RGS7: variants seen among roughly 807,000 people sequenced by gnomAD.
The protein encoded by RGS7 is regulator of G-protein signaling 7.
Under a neutral mutation model 81.1 loss-of-function variants are expected in RGS7, and 27 were observed. The ratio of observed to expected loss-of-function variants is 0.33; its 90% CI spans 0.25 to 0.46. The LOEUF (loss-of-function observed/expected upper bound fraction) is 0.46, where lower values mean the gene tolerates loss of function less well. Ranked by LOEUF, RGS7 falls within the 20% of genes least tolerant of loss-of-function variation. The probability of loss-of-function intolerance (pLI) is 1.00; values close to 1 mark genes in which losing one functional copy is unlikely to be tolerated. For missense variants in RGS7, 396 were observed against 607.4 expected (o/e 0.65, Z 3.66); for synonymous variants, 208 against 207.7 (o/e 1.00, Z -0.01).
At chr1:241,036,198 C>T (rs914079399) in intron 3 of RGS7, among the ~76,000 whole-genome samples, 2 of 152,124 alleles carry the variant, frequency 1.3e-5, no homozygotes, top group African/African-American at 4.8e-5. Flanking sequence ...TACCTTCATC[C>T]ATGTCAAACT....
chr1:240,806,474 T>C (rs1688861558), intron 14 of RGS7, 148 bp from the exon 15 acceptor site: 1 of 558,266 alleles, frequency 1.8e-6, no homozygotes, highest in South Asian at 2.9e-5. Flanking sequence ...GTACTGACTG[T>C]GTTCAAAGGA....
Position 241,064,921 on chromosome 1 carries a change from C to T in RGS7, c.175+33745G>A, listed in dbSNP as rs560452770. Among the ~76,000 whole-genome samples, 5 of 151,782 alleles carry T rather than the reference C, an allele frequency of 3.3e-5. No individual in the cohort carries two copies. In the South Asian group the frequency reaches 8.3e-4, roughly 25 times the overall value. ...TTTATTTATTGGGTTTCCTGTATGA[C>T]GTCTTCAAAAAAAAAGGATGCAAGA... On this transcript the variant is annotated intron_variant, in intron 3 of 18. Coordinates refer to ENST00000440928, the MANE Select transcript of RGS7 (RefSeq NM_001364886.1).
intron 2 of RGS7, among the ~76,000 whole-genome samples, chr1:241,237,768 G>A (rs925307601): frequency 6.6e-6 from 1 of 152,164 alleles, no homozygotes; most frequent in African/African-American, 2.4e-5. Flanking sequence ...TTCGAGGAAA[G>A]GTTAGGACAG....
intron 9 of RGS7, among the ~76,000 whole-genome samples, chr1:240,853,822 A>C (rs1572423026): frequency 7.4e-6 from 1 of 135,926 alleles, no homozygotes; most frequent in Non-Finnish European, 1.6e-5. Context: ...AATGGCGTGA[A>C]CCCGGGAGGC....
intron 9 of RGS7, among the ~76,000 whole-genome samples, chr1:240,834,811 C>A (rs1024341401): frequency 6.6e-6 from 1 of 151,930 alleles, no homozygotes; most frequent in Non-Finnish European, 1.5e-5. Context: ...GCGCCCAGCC[C>A]GACTTTGGCT....
chr1:241,238,565 ACT>A (rs2076103485), intron 2 of RGS7, among the ~76,000 whole-genome samples: 1 of 151,802 alleles, frequency 6.6e-6, no homozygotes, highest in South Asian at 2.1e-4. Flanking sequence ...GAGGAGTTTC[ACT>A]CTGTCACCCA....
At chr1:240,866,791 G>A (rs1411805199) in intron 9 of RGS7, among the ~76,000 whole-genome samples, 1 of 152,194 alleles carries the variant, frequency 6.6e-6, no homozygotes, top group Admixed American at 6.5e-5. Flanking sequence ...AGTGTTTGAG[G>A]TGGGATCATG....
In RGS7 at chr1:241,270,548, G is replaced by A. The variant is rs1352833514; in HGVS notation, c.78+85151C>T. On this transcript the variant is annotated intron_variant, in intron 2 of 18. Transcript: ENST00000440928. ...CCATGGCTGACACAAAAACTGAAGC[G>A]GTTTTCTCCATCCTGATGTCCTTGG... Among the ~76,000 whole-genome samples the A allele has an allele frequency of 2.6e-5, 4 of 152,024 alleles. No individual in the cohort carries two copies. The East Asian group carries it at 7.7e-4, about 29-fold the overall frequency.
intron 6 of RGS7, among the ~76,000 whole-genome samples, 168 bp downstream of exon 6, chr1:240,930,549 C>G (rs961671308): frequency 6.6e-6 from 1 of 152,064 alleles, no homozygotes; most frequent in Non-Finnish European, 1.5e-5. Flanking sequence ...GTCACGAGGT[C>G]TGGTGACTTT....
intron 2 of RGS7, among the ~76,000 whole-genome samples, chr1:241,124,545 A>G (rs4636444): frequency 0.4 from 60,273 of 152,162 alleles, 16,234 homozygotes; most frequent in African/African-American, 0.77. Context: ...AGGGTTAGGG[A>G]TGGCATTCAA....
At chr1:240,926,343 T>C (rs1461234684) in intron 6 of RGS7, among the ~76,000 whole-genome samples, 1 of 152,234 alleles carries the variant, frequency 6.6e-6, no homozygotes, top group Non-Finnish European at 1.5e-5. Context: ...CGGTCCAGCT[T>C]CATTCTTCTG....
At chr1:240,973,620 C>T (rs933005466) in intron 4 of RGS7, among the ~76,000 whole-genome samples, 1 of 152,148 alleles carries the variant, frequency 6.6e-6, no homozygotes, top group Admixed American at 6.5e-5. Flanking sequence ...GATGGAGTCT[C>T]GCTCTGTTGC....
At chr1:241,213,601 G>T (rs1196596555) in intron 2 of RGS7, among the ~76,000 whole-genome samples, 1 of 151,870 alleles carries the variant, frequency 6.6e-6, no homozygotes, top group Non-Finnish European at 1.5e-5. Flanking sequence ...ATTAACATTA[G>T]ACCACTTGAT....
intron 2 of RGS7, among the ~76,000 whole-genome samples, chr1:241,309,868 G>A (rs1014027833): frequency 1.3e-5 from 2 of 152,296 alleles, no homozygotes; most frequent in East Asian, 3.9e-4. Flanking sequence ...ACAGATTCAA[G>A]AATCACCATG....
At chr1:241,308,296 T>A (rs2080295294) in intron 2 of RGS7, among the ~76,000 whole-genome samples, 1 of 152,220 alleles carries the variant, frequency 6.6e-6, no homozygotes, top group Non-Finnish European at 1.5e-5. Context: ...TAGTCATGAT[T>A]ACGTTTTGGT....
chr1:241,120,837 C>T (rs2066202589), intron 2 of RGS7, among the ~76,000 whole-genome samples: 1 of 151,780 alleles, frequency 6.6e-6, no homozygotes, highest in African/African-American at 2.4e-5. Flanking sequence ...AGTTTGGTGT[C>T]CACAGTTTAA....
intron 2 of RGS7, among the ~76,000 whole-genome samples, chr1:241,119,818 C>T (rs1417326715): frequency 2.6e-5 from 4 of 151,890 alleles, no homozygotes; most frequent in African/African-American, 7.3e-5. Context: ...CTTGAAATGA[C>T]GGTCTTATTT....
Position 240,970,900 on chromosome 1 carries a change from A to AC in RGS7, c.226+12178dup, listed in dbSNP as rs1683101852. On this transcript the variant is annotated intron_variant, in intron 4 of 18. Transcript: ENST00000440928. ...GAGCTGAGACAGGAGAATTCCTTGA[A>AC]CCCGGGGGGCAGAGGTTGCAGTGAG... is the stretch of plus-strand genomic sequence containing the variant. Among the ~76,000 whole-genome samples, 5 of 152,174 alleles carry AC rather than the reference A, an allele frequency of 3.3e-5. 1 individual carries two copies. The South Asian group carries it at 1.0e-3, about 32-fold the overall frequency.
chr1:241,048,774 T>A (rs972264637), intron 3 of RGS7, among the ~76,000 whole-genome samples: 4 of 152,200 alleles, frequency 2.6e-5, no homozygotes, highest in African/African-American at 7.2e-5. Flanking sequence ...AGGGTTGTCA[T>A]GACAATGTGC....
Sources: gnomAD v4.1 joint callset for allele counts (sites outside exome capture counted in the v4.1 genomes callset) on GRCh38, gnomAD v4.1.1 for gene constraint, MANE v1.5 for transcripts, NCBI Gene and HGNC (gene_info 2026-07-23, HGNC 2026-07-21) for gene names.